The following OCRL variants were observed in gnomAD, a reference collection of about 807,000 sequenced individuals.
OCRL encodes inositol polyphosphate 5-phosphatase OCRL.
OCRL carries 8 observed loss-of-function variants against 78.9 expected under a neutral mutation model. The ratio of observed to expected loss-of-function variants is 0.10; its 90% CI spans 0.06 to 0.18. OCRL has a LOEUF of 0.18. OCRL is among the 10% of genes least tolerant of loss of function. The pLI, the probability that OCRL is intolerant of heterozygous loss-of-function variation, is 1.00. For synonymous variants in OCRL, 240 were observed against 235.4 expected (o/e 1.02, Z -0.18); for missense variants, 454 against 696.7 (o/e 0.65, Z 3.92).
chrX:129,545,082 G>A (rs201915770), intron 3 of OCRL, 45 bp downstream of exon 3: 23 of 678,403 alleles, frequency 3.4e-5, no homozygotes, highest in Admixed American at 1.8e-4. Context: ...GTTTTTTCTC[G>A]GTCATTACTG....
At chrX:129,577,526 A>G (rs1038334847) in intron 18 of OCRL, among the ~76,000 whole-genome samples, 3 of 111,858 alleles carry the variant, frequency 2.7e-5, no homozygotes, top group African/African-American at 6.5e-5. Context: ...TATCCTTACC[A>G]TTAGTATTCA....
intron 21 of OCRL, among the ~76,000 whole-genome samples, 177 bp from the exon 22 acceptor site, chrX:129,588,709 G>T (rs775865813): frequency 8.9e-6 from 1 of 112,234 alleles, no homozygotes; most frequent in Non-Finnish European, 1.9e-5. Flanking sequence ...GACCAATTCT[G>T]TAACAACTCA....
chrX:129,570,470 A>T (rs574904244), intron 15 of OCRL, among the ~76,000 whole-genome samples: 1 of 112,068 alleles, frequency 8.9e-6, no homozygotes, highest in Middle Eastern at 4.7e-3. Flanking sequence ...GTGTTGATTT[A>T]GGGGGCTTCT....
At chrX:129,564,166 A>G (rs1414316857) in intron 12 of OCRL, among the ~76,000 whole-genome samples, 3 of 111,358 alleles carry the variant, frequency 2.7e-5, no homozygotes, top group Non-Finnish European at 3.8e-5. Context: ...CAAAACCACA[A>G]TGAGATACCA....
chrX:129,555,062 T>G (rs72614120), intron 4 of OCRL, among the ~76,000 whole-genome samples: 3,508 of 110,598 alleles, frequency 0.032, 132 homozygotes, highest in East Asian at 0.21. Flanking sequence ...TGCAGTTGAC[T>G]CTGAATTTTA....
intron 12 of OCRL, among the ~76,000 whole-genome samples, chrX:129,563,206 C>A (rs1489838820): frequency 9.0e-6 from 1 of 111,662 alleles, no homozygotes; most frequent in Non-Finnish European, 1.9e-5. Flanking sequence ...TCTGTACTGT[C>A]CAATATGACA....
chrX:129,577,265 G>A (rs1364259475), intron 18 of OCRL, among the ~76,000 whole-genome samples: 1 of 111,390 alleles, frequency 9.0e-6, no homozygotes, highest in East Asian at 2.8e-4. Flanking sequence ...TTAATGTGAT[G>A]TGCTTAAGAA....
At chrX:129,561,341 C>A in intron 10 of OCRL, 48 bp downstream of exon 10, 1 of 762,759 alleles carries the variant, frequency 1.3e-6, no homozygotes. Flanking sequence ...AAATAGGGCT[C>A]ACCGGGAGTT....
At chrX:129,574,871 A>C in intron 15 of OCRL, among the ~76,000 whole-genome samples, 1 of 112,372 alleles carries the variant, frequency 8.9e-6, no homozygotes, top group South Asian at 3.6e-4. Flanking sequence ...TGCTTTGTTC[A>C]ATTTATGTTT....
At chrX:129,548,492 CAT>C in intron 3 of OCRL, 69 bp from the exon 4 acceptor site, 1 of 771,938 alleles carries the variant, frequency 1.3e-6, no homozygotes. Flanking sequence ...TTTAGTTAGG[CAT>C]GTATTCTTTT....
In OCRL at chrX:129,562,806, G is replaced by A. The variant is rs1936163776; in HGVS notation, c.1244+20G>A. On this transcript the variant is annotated intron_variant, in intron 12 of 23. Coordinates refer to ENST00000371113, the MANE Select transcript of OCRL (RefSeq NM_000276.4). ...ACATGAGTAAGTGGTTAACTCACCT[G>A]TAGCCTTTGAGTAGTGGCTACAGGA... 5 of 1,194,491 alleles carry A rather than the reference G, an allele frequency of 4.2e-6. No individual in the cohort carries two copies. Among genetic ancestry groups the A allele is most frequent in the Non-Finnish European group, 4.5e-6 (4 of 879,751 alleles).
intron 4 of OCRL, among the ~76,000 whole-genome samples, chrX:129,553,797 T>G (rs974124746): frequency 8.9e-6 from 1 of 111,774 alleles, no homozygotes; most frequent in African/African-American, 3.3e-5. Context: ...AACAGTTGTT[T>G]CAGATAGTAG....
chrX:129,586,344 C>T (rs907576881), intron 19 of OCRL, among the ~76,000 whole-genome samples: 2 of 111,773 alleles, frequency 1.8e-5, no homozygotes, highest in African/African-American at 3.3e-5. Flanking sequence ...TTAAACTTTT[C>T]GTGGTATTTC....
rs768216560 is a variant in OCRL, at chrX:129,586,971, C to T, written c.2140-31C>T. 9 of 947,203 alleles carry T rather than the reference C, an allele frequency of 9.5e-6. No individual in the cohort carries two copies. The African/African-American group carries it at 1.7e-4, about 18-fold the overall frequency. 78.1% of individuals were successfully genotyped at this position (947,203 alleles called of 1,213,427 possible). ...ACACCAAAGTCTTTATTCTGAGACCCCTTTGATTCTCATACTTTTCCATCT... is the reference window on the plus strand; with the variant it reads ...ACACCAAAGTCTTTATTCTGAGACCTCTTTGATTCTCATACTTTTCCATCT... On this transcript the variant is annotated intron_variant, in intron 19 of 23. Transcript: ENST00000371113.
chrX:129,580,656 A>T (rs1936427257), intron 18 of OCRL, among the ~76,000 whole-genome samples: 1 of 111,910 alleles, frequency 8.9e-6, no homozygotes, highest in Non-Finnish European at 1.9e-5. Context: ...TTGCTTGGGG[A>T]CATATCTGTT....
chrX:129,547,375 A>G (rs1422091597), intron 3 of OCRL, among the ~76,000 whole-genome samples: 13 of 109,157 alleles, frequency 1.2e-4, no homozygotes, highest in African/African-American at 4.4e-4. Flanking sequence ...AATACAAAAA[A>G]TTAGCCGGGC....
chrX:129,589,389 A>T (rs1396670501), intron 22 of OCRL: 1 of 279,977 alleles, frequency 3.6e-6, no homozygotes, highest in East Asian at 8.6e-5. Context: ...TCCTGAAATG[A>T]TTTTAATGCA....
chrX:129,558,977 A>C lies in OCRL; in HGVS notation c.698A>C (p.Glu233Ala). ...IKHILAKREK[E>A]YVNIQTFRFF... ...CATATCCTGGCAAAGCGAGAGAAAG[A>C]ATATGTCAACATTCAGACTTTCAGG... is the stretch of plus-strand genomic sequence containing the variant. The change falls in exon 8 of 24, where the codon GAA becomes GCA. Residue 233 changes from glutamate (E) to alanine (A), a missense_variant. This residue lies in a region of OCRL where 177 missense variants were observed against 179.6 expected (regional missense o/e 0.99). Coordinates refer to ENST00000371113, the MANE Select transcript of OCRL (RefSeq NM_000276.4). 8.3e-7 allele frequency: 1 copy of C among 1,211,124 alleles called. No individual in the cohort carries two copies. Among genetic ancestry groups the C allele is most frequent in the Non-Finnish European group, 1.1e-6 (1 of 895,151 alleles).
chrX:129,559,269 G>GCC (rs1159442748), intron 8 of OCRL, among the ~76,000 whole-genome samples: 2 of 111,167 alleles, frequency 1.8e-5, no homozygotes, highest in African/African-American at 6.5e-5. Flanking sequence ...ATAGATCATG[G>GCC]CTTACTGTAG....
Sources: allele counts gnomAD v4.1 joint callset (sites outside exome capture counted in the v4.1 genomes callset), GRCh38; gene constraint gnomAD v4.1.1; regional missense constraint gnomAD v4.1.1; transcripts MANE v1.5; gene names NCBI Gene and HGNC (gene_info 2026-07-23, HGNC 2026-07-21).